POLA1: variants seen among roughly 807,000 people sequenced by gnomAD.
POLA1 encodes DNA polymerase alpha catalytic subunit.
In POLA1, 15 loss-of-function variants were observed where a neutral mutation model predicts 124.0. The observed-to-expected ratio is 0.12, with a 90% CI of 0.08 to 0.19. The LOEUF is 0.19. POLA1 is among the 10% of genes least tolerant of loss of function. The pLI is 1.00. For missense variants in POLA1, 886 were observed against 1,103.4 expected, an observed-to-expected ratio of 0.80 and a Z score of 2.79; for synonymous variants, 408 against 389.4, an observed-to-expected ratio of 1.05 and a Z score of -0.56.
At chrX:24,732,325 A>G (rs1030185753) in intron 15 of POLA1, 45 bp from the exon 16 acceptor site, 1 of 769,372 alleles carries the variant, frequency 1.3e-6, no homozygotes, top group Non-Finnish European at 2.0e-6. Flanking sequence ...TGCAGAATGT[A>G]TAGTAGCGGT....
In POLA1 at chrX:24,761,264, G is replaced by T. The variant is rs181826847; in HGVS notation, c.2964+12272G>T. Among the ~76,000 whole-genome samples the T allele has an allele frequency of 6.8e-4, 76 of 111,933 alleles. 1 individual carries two copies. Among genetic ancestry groups the T allele is most frequent in the African/African-American group, 2.0e-3 (62 of 30,790 alleles). ...CTGTTTTGAGGCTAGTGATGAGATTGATTTATTTATTTTTTTATTTATTTT... is the reference window on the plus strand; with the variant it reads ...CTGTTTTGAGGCTAGTGATGAGATTTATTTATTTATTTTTTTATTTATTTT... On this transcript the variant is annotated intron_variant, in intron 26 of 36. Transcript: ENST00000379068.
chrX:24,733,625 G>A, intron 16 of POLA1, 130 bp from the exon 17 acceptor site: 1 of 360,520 alleles, frequency 2.8e-6, no homozygotes, highest in South Asian at 8.2e-5. Flanking sequence ...AGTATTTGAT[G>A]ACCCTCCTAA....
At chrX:24,742,150 T>C (rs200716900) in intron 22 of POLA1, 29 bp downstream of exon 22, 2 of 1,158,889 alleles carry the variant, frequency 1.7e-6, no homozygotes, top group East Asian at 6.4e-5. Context: ...AGTATTTTGT[T>C]TTCTCTTAAC....
chrX:24,734,425 G>A (rs1399287326), intron 17 of POLA1: 1 of 111,776 alleles, frequency 8.9e-6, no homozygotes, highest in East Asian at 2.8e-4. Context: ...ATATTGATAC[G>A]TTTTTAGGTT....
chrX:24,969,578 G>A (rs1331604457), intron 36 of POLA1, among the ~76,000 whole-genome samples: 1 of 110,110 alleles, frequency 9.1e-6, no homozygotes, highest in East Asian at 2.9e-4. Flanking sequence ...TAGGTAATTT[G>A]AAAGAGCACT....
At chrX:24,896,611 T>C (rs1282309577) in intron 35 of POLA1, among the ~76,000 whole-genome samples, 1 of 111,850 alleles carries the variant, frequency 8.9e-6, no homozygotes, top group Admixed American at 9.5e-5. Flanking sequence ...AGATTGGACA[T>C]CCCTGGACAT....
At chrX:24,855,610 C>A (rs776586946) in intron 34 of POLA1, among the ~76,000 whole-genome samples, 39 of 111,928 alleles carry the variant, frequency 3.5e-4, no homozygotes, top group South Asian at 1.1e-3. Flanking sequence ...AGCTTCGTCA[C>A]AAGAAAATTT....
chrX:24,927,685 A>G (rs1466052450), intron 35 of POLA1, among the ~76,000 whole-genome samples: 1 of 112,677 alleles, frequency 8.9e-6, no homozygotes, highest in African/African-American at 3.2e-5. Context: ...TTTCAAGGAA[A>G]GAGCAAGAAA....
intron 36 of POLA1, among the ~76,000 whole-genome samples, chrX:24,979,544 T>C (rs920826725): frequency 3.6e-5 from 4 of 112,326 alleles, no homozygotes; most frequent in African/African-American, 1.3e-4. Context: ...ACAGATTTTT[T>C]TCTTTACAAA....
chrX:24,902,368 T>A (rs1017241687), intron 35 of POLA1, among the ~76,000 whole-genome samples: 1 of 111,824 alleles, frequency 8.9e-6, no homozygotes, highest in African/African-American at 3.3e-5. Flanking sequence ...CTACTCTTTC[T>A]CTACATAATC....
intron 34 of POLA1, among the ~76,000 whole-genome samples, chrX:24,857,478 A>G (rs1424960233): frequency 1.8e-5 from 2 of 111,833 alleles, no homozygotes; most frequent in Non-Finnish European, 3.8e-5. Flanking sequence ...ATCCGTATCA[A>G]TTGGGGAACA....
chrX:24,729,292 C>T (rs1056241602), intron 15 of POLA1, among the ~76,000 whole-genome samples: 1 of 111,461 alleles, frequency 9.0e-6, no homozygotes, highest in Non-Finnish European at 1.9e-5. Flanking sequence ...CAGTAGCATC[C>T]GTCCCCTCTA....
intron 34 of POLA1, among the ~76,000 whole-genome samples, chrX:24,885,922 A>G (rs907313485): frequency 8.9e-6 from 1 of 112,521 alleles, no homozygotes; most frequent in African/African-American, 3.2e-5. Flanking sequence ...TAAGCTGTAC[A>G]TGTCCATTAT....
intron 36 of POLA1, among the ~76,000 whole-genome samples, chrX:24,994,762 T>TG (rs766804700): frequency 0.02 from 655 of 33,337 alleles, 4 homozygotes; most frequent in East Asian, 0.03. Context: ...GGATTGGGGG[T>TG]GGGGGGGGCG....
In POLA1 at chrX:24,785,594, A is replaced by T. The variant is rs1305735771; in HGVS notation, c.2965-24304A>T. On this transcript the variant is annotated intron_variant, in intron 26 of 36. Coordinates refer to ENST00000379068, the MANE Select transcript of POLA1 (RefSeq NM_001330360.2). ...ATTCTGTATGATTGAATGTATGTTT[A>T]ATCCCTTTTTCACTTTTAAAAGTCA... Among the ~76,000 whole-genome samples the T allele has an allele frequency of 5.3e-5, 6 of 112,668 alleles. No individual in the cohort carries two copies. In the East Asian group the frequency reaches 1.7e-3, roughly 31 times the overall value.
At chrX:24,758,280 G>A in intron 26 of POLA1, among the ~76,000 whole-genome samples, 1 of 111,524 alleles carries the variant, frequency 9.0e-6, no homozygotes, top group East Asian at 2.8e-4. Context: ...TATTATAACA[G>A]TGTTGCATTT....
intron 2 of POLA1, among the ~76,000 whole-genome samples, chrX:24,702,801 T>C (rs998553282): frequency 1.4e-4 from 16 of 112,377 alleles, no homozygotes; most frequent in African/African-American, 4.5e-4. Flanking sequence ...TTTGGTTGAT[T>C]GAACAGGCAT....
chrX:24,729,125 A>G (rs1036160151), intron 15 of POLA1, among the ~76,000 whole-genome samples: 1 of 112,357 alleles, frequency 8.9e-6, no homozygotes, highest in African/African-American at 3.2e-5. Context: ...TAGCAGTTGA[A>G]TGAATGATAA....
At chrX:24,728,177 A>G (rs184402613) in intron 15 of POLA1, among the ~76,000 whole-genome samples, 3 of 112,434 alleles carry the variant, frequency 2.7e-5, no homozygotes, top group African/African-American at 9.7e-5. Context: ...AGAGCTTCAA[A>G]TGGACACAGA....
Sources: gnomAD v4.1 joint callset for allele counts (sites outside exome capture counted in the v4.1 genomes callset) on GRCh38, gnomAD v4.1.1 for gene constraint, MANE v1.5 for transcripts, NCBI Gene and HGNC (gene_info 2026-07-23, HGNC 2026-07-21) for gene names.